The following COPG1 variants were observed in gnomAD, a reference collection of about 807,000 sequenced individuals.
COPG1 encodes the protein coatomer subunit gamma-1.
In COPG1, 29 loss-of-function variants were observed where a neutral mutation model predicts 102.8. That is an observed-to-expected ratio of 0.28 (90% CI 0.21 to 0.38). The LOEUF (loss-of-function observed/expected upper bound fraction) is 0.38. Among genes scored for constraint, COPG1 ranks in the 10% least tolerant of loss-of-function variants. The pLI, the probability that COPG1 is intolerant of heterozygous loss-of-function variation, is 1.00. For missense variants in COPG1, 875 were observed against 1,132.7 expected (o/e 0.77, Z 3.27); for synonymous variants, 406 against 421.6 (o/e 0.96, Z 0.45).
At chr3:129,254,864 G>T in intron 6 of COPG1, 121 bp downstream of exon 6, 1 of 1,185,058 alleles carries the variant, frequency 8.4e-7, no homozygotes, top group Non-Finnish European at 1.2e-6. Flanking sequence ...GAGGCAGTGT[G>T]CAGGAGCACA....
chr3:129,266,356 TG>T (rs1940060376), intron 14 of COPG1, among the ~76,000 whole-genome samples: 1 of 152,056 alleles, frequency 6.6e-6, no homozygotes. Flanking sequence ...CACGAACTCC[TG>T]GGCTCAAGCT....
intron 10 of COPG1, 140 bp downstream of exon 10, chr3:129,258,000 C>T (rs2107674484): frequency 9.4e-7 from 1 of 1,064,264 alleles, no homozygotes; most frequent in Non-Finnish European, 1.3e-6. Flanking sequence ...CTGCCCCAGA[C>T]ACTATGCTGA....
chr3:129,277,569 C>T lies in COPG1; in HGVS notation c.*145C>T. ...ATTGCAGATTTTTTTTTATTCTGCTCCCACCTCCCACCCGGGACTACTTGC... is the reference window on the plus strand; with the variant it reads ...ATTGCAGATTTTTTTTTATTCTGCTTCCACCTCCCACCCGGGACTACTTGC... On this transcript the variant is annotated 3_prime_UTR_variant, in exon 24 of 24. Transcript: ENST00000314797. 1 of 772,924 alleles carries T rather than the reference C, an allele frequency of 1.3e-6. No individual in the cohort carries two copies. Among genetic ancestry groups the T allele is most frequent in the Non-Finnish European group, 2.0e-6 (1 of 504,520 alleles). The allele number at this position is 772,924 out of a possible 1,614,324, so 47.9% of individuals were successfully genotyped here.
Position 129,275,115 on chromosome 3 carries a change from C to A in COPG1, c.2396-79C>A. 1 of 1,502,092 alleles carries A rather than the reference C, an allele frequency of 6.7e-7. No individual in the cohort carries two copies. Among genetic ancestry groups the A allele is most frequent in the Non-Finnish European group, 9.2e-7 (1 of 1,082,554 alleles). 93.0% of individuals were successfully genotyped at this position (1,502,092 alleles called of 1,614,324 possible). ...ATGTCAAATGCCACTTCATTAAAAG[C>A]CCTTCAGAACATGGGGGAGTGGTGG... On this transcript the variant is annotated intron_variant, in intron 22 of 23. Transcript: ENST00000314797. The surrounding 1 kb of genome is among the most constrained non-coding windows in gnomAD (Gnocchi z 5.0).
intron 3 of COPG1, 49 bp from the exon 4 acceptor site, chr3:129,252,574 C>T (rs774172924): frequency 2.0e-6 from 3 of 1,476,948 alleles, no homozygotes; most frequent in Non-Finnish European, 1.9e-6. Context: ...GAAAGAACTG[C>T]TGTCTGACCC....
chr3:129,267,858 C>G (rs1327481977), intron 15 of COPG1, 79 bp from the exon 16 acceptor site: 6 of 1,106,618 alleles, frequency 5.4e-6, no homozygotes, highest in East Asian at 4.8e-5. Context: ...TATGGACTTA[C>G]CTCTAATGAA....
chr3:129,266,634 T>C (rs760997048), intron 14 of COPG1, among the ~76,000 whole-genome samples: 1 of 152,222 alleles, frequency 6.6e-6, no homozygotes, highest in Admixed American at 6.5e-5. Context: ...GATCTTTAAG[T>C]AATTGTTCCC....
chr3:129,255,108 G>A, intron 7 of COPG1, 31 bp downstream of exon 7: 1 of 1,470,976 alleles, frequency 6.8e-7, no homozygotes, highest in South Asian at 1.2e-5. Flanking sequence ...CCCTGCTGGG[G>A]GTGGGGTAGA....
intron 1 of COPG1, among the ~76,000 whole-genome samples, 191 bp from the exon 2 acceptor site, chr3:129,250,491 T>C (rs1196057097): frequency 6.6e-6 from 1 of 152,168 alleles, no homozygotes; most frequent in African/African-American, 2.4e-5. Context: ...TGGTTTGGGG[T>C]AGAGTGGAGC....
At chr3:129,250,907 T>C in intron 2 of COPG1, 173 bp downstream of exon 2, 1 of 473,750 alleles carries the variant, frequency 2.1e-6, no homozygotes, top group Non-Finnish European at 3.8e-6. Flanking sequence ...TAGTTATGCT[T>C]ACTTCTTTTT....
intron 2 of COPG1, chr3:129,251,008 C>T (rs1939683904): frequency 6.0e-6 from 2 of 330,582 alleles, no homozygotes; most frequent in Non-Finnish European, 1.2e-5. Flanking sequence ...ACTGCAAGCT[C>T]CGCCTTCCAG....
intron 12 of COPG1, among the ~76,000 whole-genome samples, chr3:129,263,492 T>C (rs542786725): frequency 1.3e-5 from 2 of 152,094 alleles, no homozygotes; most frequent in African/African-American, 4.8e-5. Flanking sequence ...CTGAAGAGAC[T>C]GTGAGAAGAG....
At position 129,254,677 on chromosome 3, in the gene COPG1, A is replaced by G. The variant is rs763081148; in HGVS notation, c.333A>G (p.Lys111=). The change falls in exon 6 of 24, where the codon AAA becomes AAG. Residue 111 remains lysine (K), a synonymous_variant. Transcript: ENST00000314797. ...GCCTTCTTCCCTGCAGCCTAACAAA[A>G]GACATGACTGGGAAAGAAGACAACT... ...DVIIVTSSLT[K]DMTGKEDNYR... is the part of the protein sequence containing the mutation. 2 of 1,613,964 alleles carry G rather than the reference A, an allele frequency of 1.2e-6. No individual in the cohort carries two copies. The highest frequency in any genetic ancestry group is 8.5e-7 in the Non-Finnish European group (1 of 1,179,930).
chr3:129,263,380 C>G (rs1939983325), intron 12 of COPG1, among the ~76,000 whole-genome samples: 1 of 152,044 alleles, frequency 6.6e-6, no homozygotes, highest in Admixed American at 6.6e-5. Flanking sequence ...AGTTGTCTGA[C>G]AGGCAGTTGG....
At position 129,255,405 on chromosome 3, in the gene COPG1, C is replaced by T. The variant is rs1008816051; in HGVS notation, c.492+328C>T. On this transcript the variant is annotated intron_variant, in intron 7 of 23. Transcript: ENST00000314797. ...TCTTGGCCAGGCTGGTCTTGAACTA[C>T]AGACCTCATGATCTACCCGCCTCGG... Among the ~76,000 whole-genome samples, 13 of 151,898 alleles carry T rather than the reference C, an allele frequency of 8.6e-5. No homozygotes were observed. The East Asian group carries it at 2.5e-3, about 29-fold the overall frequency.
At chr3:129,260,063 C>T (rs897310936) in intron 10 of COPG1, among the ~76,000 whole-genome samples, 2 of 152,188 alleles carry the variant, frequency 1.3e-5, no homozygotes, top group Non-Finnish European at 2.9e-5. Flanking sequence ...AGAAGTGAGG[C>T]ATGTCCACTG....
intron 13 of COPG1, among the ~76,000 whole-genome samples, chr3:129,265,170 C>T (rs1032786259): frequency 6.6e-6 from 1 of 152,046 alleles, no homozygotes; most frequent in Non-Finnish European, 1.5e-5. Flanking sequence ...CGGCTCACTG[C>T]AGCCTCAACC....
intron 18 of COPG1, among the ~76,000 whole-genome samples, chr3:129,269,971 G>A (rs1418041152): frequency 6.7e-6 from 1 of 149,388 alleles, no homozygotes; most frequent in Non-Finnish European, 1.5e-5. Flanking sequence ...CTTGGCTCGT[G>A]GCCCCTTCCA....
chr3:129,265,846 T>C, intron 14 of COPG1, 54 bp downstream of exon 14: 1 of 1,579,868 alleles, frequency 6.3e-7, no homozygotes, highest in Non-Finnish European at 8.6e-7. Flanking sequence ...TGAATAAATG[T>C]CCCAGCAAAG....
Sources: allele counts gnomAD v4.1 joint callset (sites outside exome capture counted in the v4.1 genomes callset), GRCh38; gene constraint gnomAD v4.1.1; non-coding constraint Gnocchi (gnomAD v3.1); transcripts MANE v1.5; gene names NCBI Gene and HGNC (gene_info 2026-07-23, HGNC 2026-07-21).